FKTN: variants seen among roughly 807,000 people sequenced by gnomAD.
FKTN encodes the protein ribitol-5-phosphate transferase FKTN.
In FKTN, 47 loss-of-function variants were observed where a neutral mutation model predicts 58.6. The observed-to-expected ratio is 0.80, with a 90% CI of 0.63 to 1.02. The LOEUF (loss-of-function observed/expected upper bound fraction) is 1.02. FKTN is among the 50% of genes least tolerant of loss of function. The probability of loss-of-function intolerance (pLI) is 0.00; values close to 1 mark genes in which losing one functional copy is unlikely to be tolerated. For missense variants in FKTN, 516 were observed against 537.3 expected, an observed-to-expected ratio of 0.96 and a Z score of 0.39; for synonymous variants, 178 against 191.9, an observed-to-expected ratio of 0.93 and a Z score of 0.60.
At chr9:105,565,921 CA>C (rs1839495308) in intron 1 of FKTN, among the ~76,000 whole-genome samples, 1 of 151,892 alleles carries the variant, frequency 6.6e-6, no homozygotes, top group Non-Finnish European at 1.5e-5. Flanking sequence ...TCAGCAAATG[CA>C]AAAGAACAGA....
intron 1 of FKTN, among the ~76,000 whole-genome samples, chr9:105,558,481 G>A (rs1837617518): frequency 6.6e-6 from 1 of 152,100 alleles, no homozygotes. Context: ...GCCGGGTTAG[G>A]GTAGTGACCC....
At position 105,579,869 on chromosome 9, in the gene FKTN, A is replaced by G. The variant is rs557118427; in HGVS notation, c.105+4732A>G. On this transcript the variant is annotated intron_variant, in intron 3 of 10. Transcript: ENST00000357998. ...GTGCTCCTGTATTGGGTGCATATAT[A>G]TTTAGGCTAGTTAGCTCTTCTTGTT... is the stretch of plus-strand genomic sequence containing the variant. 4.9e-4 allele frequency among the ~76,000 whole-genome samples: 74 copies of G among 152,046 alleles called. 1 individual carries two copies. In the East Asian group the frequency reaches 0.012, roughly 25 times the overall value.
intron 8 of FKTN, among the ~76,000 whole-genome samples, chr9:105,617,188 A>G (rs1830975683): frequency 6.6e-6 from 1 of 152,212 alleles, no homozygotes; most frequent in African/African-American, 2.4e-5. Context: ...GCAGTCATTT[A>G]TTTACTTTTG....
chr9:105,615,411 A>C lies in FKTN; in HGVS notation c.910+4A>C, dbSNP rs1830640350. ...CTGAGCAGTGGAACTTGTCTAGGTA[A>C]AATTCTTACGACTTTCCATTTGTCT... On this transcript the variant is annotated splice_donor_region_variant and intron_variant, in intron 8 of 10. Coordinates refer to ENST00000357998, the MANE Select transcript of FKTN (RefSeq NM_001079802.2). 5.6e-6 allele frequency: 9 copies of C among 1,613,858 alleles called. No homozygotes were observed. Among genetic ancestry groups the C allele is most frequent in the Non-Finnish European group, 7.6e-6 (9 of 1,179,876 alleles).
chr9:105,567,505 A>G (rs911738540), intron 1 of FKTN, among the ~76,000 whole-genome samples: 2 of 150,802 alleles, frequency 1.3e-5, no homozygotes, highest in African/African-American at 4.8e-5. Flanking sequence ...ACACCAAATA[A>G]CAGAGAGCCA....
chr9:105,596,857 G>A, intron 4 of FKTN, 200 bp downstream of exon 4: 1 of 582,218 alleles, frequency 1.7e-6, no homozygotes, highest in South Asian at 2.1e-5. Flanking sequence ...GAAAGTTTAA[G>A]AAGTGAGTAA....
At chr9:105,598,725 A>T (rs1230456403) in intron 4 of FKTN, 1 of 151,966 alleles carries the variant, frequency 6.6e-6, no homozygotes, top group African/African-American at 2.4e-5. Context: ...TCTCTGCTTG[A>T]CCCTGACCTA....
chr9:105,629,708 G>GTA (rs1324248355), intron 10 of FKTN, among the ~76,000 whole-genome samples: 39 of 152,184 alleles, frequency 2.6e-4, no homozygotes, highest in African/African-American at 8.4e-4. Flanking sequence ...TTATGTGTAT[G>GTA]TATATATACA....
intron 7 of FKTN, among the ~76,000 whole-genome samples, chr9:105,613,637 T>C (rs1830319312): frequency 6.6e-6 from 1 of 152,208 alleles, no homozygotes; most frequent in Non-Finnish European, 1.5e-5. Flanking sequence ...GATGAAGAGA[T>C]GTAGTACTTG....
chr9:105,620,722 G>A (rs547581334), intron 10 of FKTN, among the ~76,000 whole-genome samples: 2 of 151,884 alleles, frequency 1.3e-5, no homozygotes, highest in Non-Finnish European at 2.9e-5. Context: ...TTTGAGGTGT[G>A]TCAGGAGGTC....
At chr9:105,579,377 G>A (rs575343936) in intron 3 of FKTN, among the ~76,000 whole-genome samples, 9 of 151,986 alleles carry the variant, frequency 5.9e-5, no homozygotes, top group Admixed American at 2.6e-4. Context: ...CTTTGTTCTC[G>A]TTGGTTTCAA....
intron 3 of FKTN, among the ~76,000 whole-genome samples, chr9:105,596,208 T>G (rs1038197996): frequency 7.9e-5 from 12 of 152,208 alleles, no homozygotes; most frequent in African/African-American, 2.4e-4. Context: ...GTATACTTTA[T>G]CACTTTGCCA....
At chr9:105,606,319 T>C (rs1828881147) in intron 6 of FKTN, among the ~76,000 whole-genome samples, 1 of 152,050 alleles carries the variant, frequency 6.6e-6, no homozygotes, top group Admixed American at 6.6e-5. Context: ...CAAAAATTTA[T>C]CTTTGGCTAT....
chr9:105,564,619 A>G (rs1839012863), intron 1 of FKTN, among the ~76,000 whole-genome samples: 1 of 152,320 alleles, frequency 6.6e-6, no homozygotes, highest in Admixed American at 6.5e-5. Flanking sequence ...ACCGAAATGA[A>G]CAAAGCCTCC....
chr9:105,639,372 G>A lies in FKTN; in HGVS notation c.*4108G>A. 1 of 837,514 alleles carries A rather than the reference G, an allele frequency of 1.2e-6. No individual in the cohort carries two copies. The highest frequency in any genetic ancestry group is 1.4e-6 in the Non-Finnish European group (1 of 695,014). The allele number at this position is 837,514 out of a possible 1,614,324, so 51.9% of individuals were successfully genotyped here. Reference sequence around the variant, plus strand: ...GAGTTAGGCCTGAATTTGAATTTCAGCTTAATCATGTGGGATTTATGGTGG... The same window carrying A: ...GAGTTAGGCCTGAATTTGAATTTCAACTTAATCATGTGGGATTTATGGTGG... On this transcript the variant is annotated 3_prime_UTR_variant, in exon 11 of 11. Transcript: ENST00000357998.
chr9:105,632,671 A>C (rs574398287), intron 10 of FKTN, among the ~76,000 whole-genome samples: 27 of 152,238 alleles, frequency 1.8e-4, no homozygotes, highest in Middle Eastern at 3.4e-3. Context: ...GATATCTGTG[A>C]GGGAAAAAAA....
chr9:105,623,055 A>C (rs1832232115), intron 10 of FKTN: 2 of 152,112 alleles, frequency 1.3e-5, no homozygotes, highest in African/African-American at 4.8e-5. Context: ...TCCAGCATCC[A>C]AATCTGCCAG....
At chr9:105,576,399 T>A (rs1373483059) in intron 3 of FKTN, among the ~76,000 whole-genome samples, 3 of 151,926 alleles carry the variant, frequency 2.0e-5, no homozygotes, top group East Asian at 3.9e-4. Context: ...TTCCCACCTA[T>A]GAGTGAGAAT....
chr9:105,607,957 A>G lies in FKTN; in HGVS notation c.780+6A>G. On this transcript the variant is annotated splice_donor_region_variant and intron_variant, in intron 7 of 10. Transcript: ENST00000357998. ...AAGCTCGAGCATTCTTTCAGGTTAG[A>G]GACAACCAAATGTGTACTTTTAAAT... 6.2e-7 allele frequency: 1 copy of G among 1,609,646 alleles called. No individual in the cohort carries two copies. Among genetic ancestry groups the G allele is most frequent in the Non-Finnish European group, 8.5e-7 (1 of 1,176,126 alleles).
Sources: gnomAD v4.1 joint callset for allele counts (sites outside exome capture counted in the v4.1 genomes callset) on GRCh38, gnomAD v4.1.1 for gene constraint, MANE v1.5 for transcripts, NCBI Gene and HGNC (gene_info 2026-07-23, HGNC 2026-07-21) for gene names.